Variants in TAF15 observed in about 807,000 individuals in gnomAD.
TAF15 encodes the protein TATA-binding protein-associated factor 2N.
In TAF15, 37 loss-of-function variants were observed where a neutral mutation model predicts 102.5. That is an observed-to-expected ratio of 0.36 (90% confidence interval 0.28 to 0.47). TAF15 has a LOEUF of 0.47. TAF15 is among the 20% of genes least tolerant of loss of function. The pLI, the probability that TAF15 is intolerant of heterozygous loss-of-function variation, is 0.99. For synonymous variants in TAF15, 273 were observed against 259.2 expected (o/e 1.05, Z -0.51); for missense variants, 652 against 760.7 (o/e 0.86, Z 1.68).
At chr17:35,822,067 C>T (rs929464278) in intron 5 of TAF15, among the ~76,000 whole-genome samples, 2 of 151,394 alleles carry the variant, frequency 1.3e-5, no homozygotes, top group African/African-American at 4.9e-5. Context: ...ATAGGCCAGG[C>T]TCGGTGGCTC....
At chr17:35,813,635 C>T (rs1050391518) in intron 1 of TAF15, among the ~76,000 whole-genome samples, 3 of 110,050 alleles carry the variant, frequency 2.7e-5, no homozygotes, top group Admixed American at 2.4e-4. Flanking sequence ...GACCCTGTCC[C>T]CCCCCCCCCG....
intron 7 of TAF15, among the ~76,000 whole-genome samples, chr17:35,826,047 G>A (rs1396850214): frequency 1.3e-5 from 2 of 152,166 alleles, no homozygotes; most frequent in African/African-American, 2.4e-5. Flanking sequence ...TCCTGACAAA[G>A]GAGGGAAGCA....
chr17:35,843,772 CAG>C (rs2087575739), intron 12 of TAF15, among the ~76,000 whole-genome samples: 1 of 152,218 alleles, frequency 6.6e-6, no homozygotes, highest in African/African-American at 2.4e-5. Context: ...AATCCAAAAT[CAG>C]AGACACTTTT....
chr17:35,838,039 C>T (rs567822506), intron 10 of TAF15, among the ~76,000 whole-genome samples: 7 of 148,908 alleles, frequency 4.7e-5, no homozygotes, highest in South Asian at 2.1e-4. Flanking sequence ...ACAAAAAAGC[C>T]GGGCGTGGTG....
At chr17:35,815,167 T>G (rs2087180703) in intron 1 of TAF15, among the ~76,000 whole-genome samples, 1 of 152,004 alleles carries the variant, frequency 6.6e-6, no homozygotes, top group South Asian at 2.1e-4. Flanking sequence ...CCAAGAATAA[T>G]AAAATAACTT....
rs1347287879 is a variant in TAF15, at chr17:35,838,424, A to G, written c.784A>G (p.Thr262Ala). Reference protein sequence around the residue: ...EFFKQIGIIKTNKKTGKPMIN... With the variant: ...EFFKQIGIIKANKKTGKPMIN... Reference sequence around the variant, plus strand: ...ACCAAGTGTTTCTGTTTTTCCTCAGACAAATAAGAAGACCGGAAAACCAAT... The same window carrying G: ...ACCAAGTGTTTCTGTTTTTCCTCAGGCAAATAAGAAGACCGGAAAACCAAT... Residue 262 changes from threonine (T) to alanine (A), a missense_variant and splice_region_variant, in exon 11 of 16, where the codon ACA becomes GCA. Around this residue, in one of 3 missense-constraint regions of TAF15, gnomAD observed 41 missense variants for 109.1 expected, o/e 0.38. Transcript: ENST00000605844. The G allele has an allele frequency of 7.4e-6, 12 of 1,614,162 alleles. No homozygotes were observed. The highest frequency in any genetic ancestry group is 1.0e-5 in the Non-Finnish European group (12 of 1,180,036).
At chr17:35,844,417 G>C in intron 14 of TAF15, 49 bp downstream of exon 14, 4 of 1,612,728 alleles carry the variant, frequency 2.5e-6, no homozygotes, top group Non-Finnish European at 3.4e-6. Flanking sequence ...CTTCTGACTA[G>C]CATTAAGGGG....
At chr17:35,813,116 T>G (rs1254822715) in intron 1 of TAF15, among the ~76,000 whole-genome samples, 1 of 60,292 alleles carries the variant, frequency 1.7e-5, no homozygotes, top group Non-Finnish European at 2.8e-5. Context: ...AGACTCTGTC[T>G]CAAAAAAAAA....
Position 35,844,607 on chromosome 17 carries a change from C to G in TAF15, c.1308C>G (p.Gly436=), listed in dbSNP as rs753300645. The part of the protein sequence containing the change: ...GYGGDRSSGG[G]YSGDRSGGGY... Reference sequence around the variant, plus strand: ...GTGGAGACAGAAGCAGCGGTGGTGGCTACAGCGGAGATAGAAGTGGGGGCG... The same window carrying G: ...GTGGAGACAGAAGCAGCGGTGGTGGGTACAGCGGAGATAGAAGTGGGGGCG... Residue 436 remains glycine (G), a synonymous_variant, in exon 15 of 16, where the codon GGC becomes GGG. Transcript: ENST00000605844. 5.1e-6 allele frequency: 8 copies of G among 1,566,194 alleles called. No individual in the cohort carries two copies. In the South Asian group the frequency reaches 9.1e-5, roughly 18 times the overall value.
intron 7 of TAF15, among the ~76,000 whole-genome samples, chr17:35,832,542 G>A (rs927964085): frequency 1.3e-5 from 2 of 152,038 alleles, no homozygotes; most frequent in African/African-American, 4.8e-5. Context: ...CTAGAGTTGA[G>A]GGTTCCTCCC....
At chr17:35,843,667 A>C (rs544478694) in intron 12 of TAF15, among the ~76,000 whole-genome samples, 1 of 152,326 alleles carries the variant, frequency 6.6e-6, no homozygotes, top group South Asian at 2.1e-4. Context: ...TGCTCAAAGG[A>C]AATGGTCATG....
At chr17:35,827,458 C>G (rs566163553) in intron 7 of TAF15, among the ~76,000 whole-genome samples, 6 of 151,964 alleles carry the variant, frequency 3.9e-5, no homozygotes, top group Non-Finnish European at 7.4e-5. Flanking sequence ...GTAATTCCAG[C>G]ACTTTGGAGG....
At chr17:35,819,304 A>G (rs2087231768) in intron 2 of TAF15, among the ~76,000 whole-genome samples, 1 of 152,236 alleles carries the variant, frequency 6.6e-6, no homozygotes, top group Non-Finnish European at 1.5e-5. Flanking sequence ...TTCTTTGGAT[A>G]TTAGAAAGTC....
chr17:35,810,269 A>G (rs752246096), intron 1 of TAF15: 27 of 156,080 alleles, frequency 1.7e-4, no homozygotes, highest in Non-Finnish European at 2.1e-4. Context: ...TTGTCTATCT[A>G]TTATTGATAA....
chr17:35,834,740 CT>C (rs533058888), intron 9 of TAF15, 142 bp downstream of exon 9: 36,370 of 232,840 alleles, frequency 0.16, 18 homozygotes, highest in South Asian at 0.2. Flanking sequence ...AGCTTTATTT[CT>C]TTTTTTTTTT....
chr17:35,846,524 TA>T (rs1346681359), intron 15 of TAF15, among the ~76,000 whole-genome samples: 1 of 152,222 alleles, frequency 6.6e-6, no homozygotes, highest in East Asian at 1.9e-4. Flanking sequence ...TCATTTAGTG[TA>T]ACTTTTCCAA....
At chr17:35,821,354 T>G (rs554819585) in intron 5 of TAF15, among the ~76,000 whole-genome samples, 3 of 152,304 alleles carry the variant, frequency 2.0e-5, no homozygotes, top group Admixed American at 6.5e-5. Flanking sequence ...TTGGTTAGTT[T>G]TAAATTTAAG....
intron 1 of TAF15, among the ~76,000 whole-genome samples, 189 bp from the exon 2 acceptor site, chr17:35,817,527 T>TA (rs1404841479): frequency 1.3e-5 from 2 of 152,216 alleles, no homozygotes; most frequent in Non-Finnish European, 2.9e-5. Flanking sequence ...AGTTTGCAAA[T>TA]ACGTAGTTAT....
intron 9 of TAF15, among the ~76,000 whole-genome samples, chr17:35,835,504 T>C (rs1379680282): frequency 6.6e-6 from 1 of 152,230 alleles, no homozygotes; most frequent in Non-Finnish European, 1.5e-5. Context: ...ACTTTTGTTT[T>C]TATTAAGATG....
Sources: gnomAD v4.1 joint callset for allele counts (sites outside exome capture counted in the v4.1 genomes callset) on GRCh38, gnomAD v4.1.1 for gene constraint, gnomAD v4.1.1 regional missense constraint, MANE v1.5 for transcripts, NCBI Gene and HGNC (gene_info 2026-07-23, HGNC 2026-07-21) for gene names.